The following PCDHGB6 variants were observed in gnomAD, a reference collection of about 807,000 sequenced individuals.
The protein encoded by PCDHGB6 is protocadherin gamma subfamily B, 6, also known as protocadherin gamma-B6.
A neutral mutation model predicts 59.1 loss-of-function variants in PCDHGB6; 51 were observed. That is an observed-to-expected ratio of 0.86 (90% CI 0.69 to 1.09). The LOEUF (loss-of-function observed/expected upper bound fraction) is 1.09, where lower values mean the gene tolerates loss of function less well. Ranked by LOEUF, PCDHGB6 falls within the 50% of genes least tolerant of loss-of-function variation. The pLI, the probability that PCDHGB6 is intolerant of heterozygous loss-of-function variation, is 0.00. For synonymous variants in PCDHGB6, 466 were observed against 495.1 expected (o/e 0.94, Z 0.78); for missense variants, 1,148 against 1,205.1 (o/e 0.95, Z 0.70).
At position 141,477,372 on chromosome 5, in the gene PCDHGB6, CTG is replaced by C; in HGVS notation, c.2419-17432_2419-17431del. On this transcript the variant is annotated intron_variant, in intron 1 of 3. Transcript: ENST00000520790. This position sits in a 1 kb window ranked among gnomAD's most constrained non-coding sequence, Gnocchi z 4.9. ...ACCAGTGCAGACCTGGATCGGGAGA[CTG>C]TGCCAGAATACAACCTCAGCATCAC... The C allele has an allele frequency of 6.2e-7, 1 of 1,614,154 alleles. No homozygotes were observed. The highest frequency in any genetic ancestry group is 8.5e-7 in the Non-Finnish European group (1 of 1,180,030).
chr5:141,414,376 T>G, intron 1 of PCDHGB6: 1 of 1,613,824 alleles, frequency 6.2e-7, no homozygotes, highest in Non-Finnish European at 8.5e-7. Flanking sequence ...ATTAGAAAAG[T>G]CCATTGACAG....
chr5:141,419,065 C>G (rs763008753), intron 1 of PCDHGB6: 2 of 1,613,786 alleles, frequency 1.2e-6, no homozygotes, highest in South Asian at 2.2e-5. Context: ...ATAATTACTA[C>G]AAGCTAGTAA....
chr5:141,427,807 A>T (rs1443881781), intron 1 of PCDHGB6: 2 of 1,521,932 alleles, frequency 1.3e-6, no homozygotes, highest in East Asian at 2.3e-5. Flanking sequence ...GTGAGCGCAC[A>T]GAGCGGGGTG....
rs753030509 is a variant in PCDHGB6, at chr5:141,431,672, G to A, written c.2418+21052G>A. On this transcript the variant is annotated intron_variant, in intron 1 of 3. Transcript: ENST00000520790. The surrounding 1 kb of genome is among the most constrained non-coding windows in gnomAD (Gnocchi z 4.8). ...TAATTCAGGGACAATATCAACAATA[G>A]GGGAGTTGGACCACGAGGAGTCAGG... The A allele has an allele frequency of 9.3e-6, 15 of 1,614,110 alleles. No homozygotes were observed. Among genetic ancestry groups the A allele is most frequent in the African/African-American group, 4.0e-5 (3 of 74,948 alleles).
rs369529373 is a variant in PCDHGB6 at position 141,458,890 on chromosome 5, C to T, written c.2419-35917C>T. Among the ~76,000 whole-genome samples, 87 of 152,160 alleles carry T rather than the reference C, an allele frequency of 5.7e-4. 1 individual carries two copies. In the South Asian group the frequency reaches 0.016, roughly 28 times the overall value. ...TGGGACTACAGGCATGCACACCATG[C>T]GCAGCTAATTTTTTCTATTTTTTGT... On this transcript the variant is annotated intron_variant, in intron 1 of 3. Coordinates refer to ENST00000520790, the MANE Select transcript of PCDHGB6 (RefSeq NM_018926.3).
At chr5:141,419,088 T>C in intron 1 of PCDHGB6, 3 of 1,613,940 alleles carry the variant, frequency 1.9e-6, no homozygotes, top group Non-Finnish European at 2.5e-6. Context: ...GATGAGGCCC[T>C]GGATCGGGAG....
At chr5:141,494,364 G>A (rs1461560857) in intron 1 of PCDHGB6, among the ~76,000 whole-genome samples, 1 of 152,202 alleles carries the variant, frequency 6.6e-6, no homozygotes, top group African/African-American at 2.4e-5. Context: ...TGCAGAGGAT[G>A]CTTTGTTCCC....
At chr5:141,509,335 G>T (rs113423267) in intron 3 of PCDHGB6, among the ~76,000 whole-genome samples, 106 of 152,262 alleles carry the variant, frequency 7.0e-4, no homozygotes, top group African/African-American at 2.4e-3. Context: ...CTGCCAGCTG[G>T]GCCTGGGCTG....
Position 141,491,819 on chromosome 5 carries a change from G to C in PCDHGB6, c.2419-2988G>C. The C allele has an allele frequency of 6.7e-7, 1 of 1,482,028 alleles. No individual in the cohort carries two copies. Among genetic ancestry groups the C allele is most frequent in the Non-Finnish European group, 9.0e-7 (1 of 1,116,648 alleles). The allele number at this position is 1,482,028 out of a possible 1,614,324, so 91.8% of individuals were successfully genotyped here. A position where few individuals can be genotyped will look rare whatever the true frequency, so the allele number is the denominator to read the frequency against. On this transcript the variant is annotated intron_variant, in intron 1 of 3. Transcript: ENST00000520790. This position sits in a 1 kb window ranked among gnomAD's most constrained non-coding sequence, Gnocchi z 6.9. ...TCCGGCCGGCTTGGTCGCTGGCTGCGCTCCACCCGATTCTCGGGATCATTG... is the reference window on the plus strand; with the variant it reads ...TCCGGCCGGCTTGGTCGCTGGCTGCCCTCCACCCGATTCTCGGGATCATTG...
chr5:141,443,417 T>C (rs1429905201), intron 1 of PCDHGB6, among the ~76,000 whole-genome samples: 3 of 152,132 alleles, frequency 2.0e-5, no homozygotes, highest in East Asian at 1.9e-4. Context: ...TCTGGGGAGA[T>C]TGAAGCTGCA....
At chr5:141,422,926 GC>G in intron 1 of PCDHGB6, 1 of 1,614,230 alleles carries the variant, frequency 6.2e-7, no homozygotes, top group Non-Finnish European at 8.5e-7. Flanking sequence ...CCTGTACCCT[GC>G]CCTCCCCACA....
intron 2 of PCDHGB6, among the ~76,000 whole-genome samples, chr5:141,498,451 T>C (rs1426888821): frequency 6.6e-6 from 1 of 152,126 alleles, no homozygotes; most frequent in Non-Finnish European, 1.5e-5. Context: ...AGGTTCCTTT[T>C]ATCCAGTCTA....
Position 141,410,606 on chromosome 5 carries a change from G to C in PCDHGB6, c.2404G>C (p.Glu802Gln). The C allele has an allele frequency of 1.2e-6, 2 of 1,607,214 alleles. No homozygotes were observed. The highest frequency in any genetic ancestry group is 1.7e-6 in the Non-Finnish European group (2 of 1,179,778). Reference sequence around the variant, plus strand: ...TGGGGAGGATTTGACTTCACATCCTGAGACTCTGACTTCGGTGAGTTTCTC... The same window carrying C: ...TGGGGAGGATTTGACTTCACATCCTCAGACTCTGACTTCGGTGAGTTTCTC... ...HGGEDLTSHP[E>Q]TLTSQAPPNT... Residue 802 changes from glutamate to glutamine, a missense_variant, in exon 1 of 4, where the codon GAG (glutamate) becomes CAG (glutamine). By Grantham distance (29) the Glu-to-Gln change is conservative. Around this residue, in one of 5 missense-constraint regions of PCDHGB6, gnomAD observed 283 missense variants for 318.6 expected, o/e 0.89. Coordinates refer to ENST00000520790, the MANE Select transcript of PCDHGB6 (RefSeq NM_018926.3).
Position 141,486,682 on chromosome 5 carries a change from A to C in PCDHGB6, c.2419-8125A>C, listed in dbSNP as rs781547951. 1.4e-5 allele frequency: 22 copies of C among 1,614,064 alleles called. No individual in the cohort carries two copies. The African/African-American group carries it at 2.3e-4, about 17-fold the overall frequency. ...TGGAGCCCAGGAATCGAGATGTATC[A>C]GCTTCCTCTTTCATCTCTCTGAACC... On this transcript the variant is annotated intron_variant, in intron 1 of 3. Coordinates refer to ENST00000520790, the MANE Select transcript of PCDHGB6 (RefSeq NM_018926.3). The surrounding 1 kb of genome is among the most constrained non-coding windows in gnomAD (Gnocchi z 5.0).
chr5:141,419,522 C>A, intron 1 of PCDHGB6: 4 of 1,612,178 alleles, frequency 2.5e-6, no homozygotes, highest in Non-Finnish European at 3.4e-6. Context: ...GGTGGGCGAC[C>A]GTAACGACAA....
rs2096651086 is a variant in PCDHGB6 at position 141,422,486 on chromosome 5, A to G, written c.2418+11866A>G. Reference sequence around the variant, plus strand: ...GACAGGGAGTTGGTCCAGAGCTACAATATAACGTTGACAGCCACAGACCAG... The same window carrying G: ...GACAGGGAGTTGGTCCAGAGCTACAGTATAACGTTGACAGCCACAGACCAG... On this transcript the variant is annotated intron_variant, in intron 1 of 3. Coordinates refer to ENST00000520790, the MANE Select transcript of PCDHGB6 (RefSeq NM_018926.3). The G allele has an allele frequency of 1.2e-6, 2 of 1,613,852 alleles. No individual in the cohort carries two copies. The highest frequency in any genetic ancestry group is 1.3e-5 in the African/African-American group (1 of 74,924).
chr5:141,426,718 C>G, intron 1 of PCDHGB6: 1 of 446,166 alleles, frequency 2.2e-6, no homozygotes, highest in Non-Finnish European at 4.6e-6. Flanking sequence ...AATGAACTAG[C>G]AATTCCAGGC....
chr5:141,456,301 C>CA (rs761557752), intron 1 of PCDHGB6, among the ~76,000 whole-genome samples: 14 of 152,154 alleles, frequency 9.2e-5, no homozygotes, highest in Non-Finnish European at 1.6e-4. Flanking sequence ...TAATGGAGAA[C>CA]AGCAGCTAGG....
chr5:141,435,883 C>A (rs1458527952), intron 1 of PCDHGB6, among the ~76,000 whole-genome samples: 1 of 152,020 alleles, frequency 6.6e-6, no homozygotes, highest in African/African-American at 2.4e-5. Flanking sequence ...GATTGGAAAC[C>A]CCTTAGAGAA....
Sources: allele counts gnomAD v4.1 joint callset (sites outside exome capture counted in the v4.1 genomes callset), GRCh38; gene constraint gnomAD v4.1.1; regional missense constraint gnomAD v4.1.1; non-coding constraint Gnocchi (gnomAD v3.1); transcripts MANE v1.5; gene names NCBI Gene and HGNC (gene_info 2026-07-23, HGNC 2026-07-21).